The following VGLL1 variants were observed in gnomAD, a reference collection of about 807,000 sequenced individuals.
The protein encoded by VGLL1 is transcription cofactor vestigial-like protein 1.
Under a neutral mutation model 12.0 loss-of-function variants are expected in VGLL1, and 4 were observed. The ratio of observed to expected loss-of-function variants is 0.33; its 90% CI spans 0.16 to 0.76. The LOEUF is 0.76. Among genes scored for constraint, VGLL1 ranks in the 30% least tolerant of loss-of-function variants. The pLI, the probability that VGLL1 is intolerant of heterozygous loss-of-function variation, is 0.60. For synonymous variants in VGLL1, 87 were observed against 81.2 expected (o/e 1.07, Z -0.39); for missense variants, 204 against 208.7 (o/e 0.98, Z 0.14).
At chrX:136,552,321 TCAAAAGCCTTAG>T (rs1569362918) in intron 4 of VGLL1, among the ~76,000 whole-genome samples, 1 of 111,984 alleles carries the variant, frequency 8.9e-6, no homozygotes, top group Non-Finnish European at 1.9e-5. Context: ...TAGAGCTGGT[TCAAAAGCCTTAG>T]CATAGCCAAG....
chrX:136,532,993 A>G (rs1235455818), intron 1 of VGLL1, among the ~76,000 whole-genome samples: 1 of 110,227 alleles, frequency 9.1e-6, no homozygotes, highest in Non-Finnish European at 1.9e-5. Flanking sequence ...GGCGAGACAC[A>G]CCCCAGCAAT....
intron 2 of VGLL1, among the ~76,000 whole-genome samples, chrX:136,540,474 C>T (rs1297273463): frequency 9.0e-6 from 1 of 111,593 alleles, no homozygotes; most frequent in African/African-American, 3.3e-5. Flanking sequence ...TTCAAGTCTC[C>T]ACCTGGATGT....
chrX:136,535,241 A>T (rs1329050054), intron 1 of VGLL1, among the ~76,000 whole-genome samples: 1 of 112,351 alleles, frequency 8.9e-6, no homozygotes, highest in Non-Finnish European at 1.9e-5. Flanking sequence ...ACTCTATTCC[A>T]GGCACTGTTC....
At chrX:136,538,456 G>A (rs1239332915) in intron 2 of VGLL1, among the ~76,000 whole-genome samples, 2 of 112,557 alleles carry the variant, frequency 1.8e-5, no homozygotes, top group Admixed American at 9.4e-5. Flanking sequence ...TAATGGAGAA[G>A]TCACCCTCGC....
intron 4 of VGLL1, among the ~76,000 whole-genome samples, chrX:136,553,284 A>G (rs2148533830): frequency 9.6e-6 from 1 of 104,512 alleles, no homozygotes; most frequent in African/African-American, 3.5e-5. Flanking sequence ...CATGAGACTC[A>G]GTTGCCTCTT....
At chrX:136,547,183 A>G (rs1471872133) in intron 2 of VGLL1, among the ~76,000 whole-genome samples, 1 of 112,363 alleles carries the variant, frequency 8.9e-6, no homozygotes. Flanking sequence ...CTTTGTCTCC[A>G]CACCCACCCT....
At chrX:136,547,299 A>T (rs1273224475) in intron 2 of VGLL1, among the ~76,000 whole-genome samples, 1 of 112,114 alleles carries the variant, frequency 8.9e-6, no homozygotes, top group African/African-American at 3.2e-5. Flanking sequence ...GAATGGGGAA[A>T]ACATTCATCC....
intron 1 of VGLL1, among the ~76,000 whole-genome samples, chrX:136,532,657 CTTTCTTTT>C (rs1569359244): frequency 3.4e-4 from 22 of 64,469 alleles, no homozygotes; most frequent in Non-Finnish European, 5.1e-4. Flanking sequence ...TTCTTTCTTT[CTTTCTTTT>C]TCTTTCTTTC....
rs1169398740 is a variant in VGLL1 at position 136,556,516 on chromosome X, C to T, written c.754C>T (p.His252Tyr). The change falls in exon 5 of 5, where the codon CAT (histidine) becomes TAT (tyrosine). Residue 252 changes from histidine to tyrosine, a missense_variant. Transcript: ENST00000370634. ...ACCACCAAACCACTGGGGCCACCCA[C>T]ATCGATACCTGCAGCATCTTTAGTC... is the stretch of plus-strand genomic sequence containing the variant. The part of the protein sequence containing the change: ...LTPPNHWGHP[H>Y]RYLQHL The T allele has an allele frequency of 1.7e-6, 2 of 1,209,215 alleles. No homozygotes were observed. The highest frequency in any genetic ancestry group is 2.2e-6 in the Non-Finnish European group (2 of 894,528).
At chrX:136,541,439 C>G (rs2075855860) in intron 2 of VGLL1, among the ~76,000 whole-genome samples, 1 of 112,405 alleles carries the variant, frequency 8.9e-6, no homozygotes, top group Admixed American at 9.4e-5. Context: ...AAAACTGCCT[C>G]CCTCAAAGCC....
rs2075883384 is a variant in VGLL1 at position 136,550,762 on chromosome X, T to C, written c.635-6T>C. The C allele has an allele frequency of 1.7e-6, 2 of 1,204,306 alleles. No individual in the cohort carries two copies. The highest frequency in any genetic ancestry group is 2.2e-6 in the Non-Finnish European group (2 of 889,864). Reference sequence around the variant, plus strand: ...GTTCCAATAATGTTTTCTTCTTCTTTTCTAGATAAGAAACTATATGTATCT... The same window carrying C: ...GTTCCAATAATGTTTTCTTCTTCTTCTCTAGATAAGAAACTATATGTATCT... On this transcript the variant is annotated splice_polypyrimidine_tract_variant and splice_region_variant and intron_variant, in intron 3 of 4. Transcript: ENST00000370634.
chrX:136,542,365 C>T (rs943451949), intron 2 of VGLL1, among the ~76,000 whole-genome samples: 1 of 112,134 alleles, frequency 8.9e-6, no homozygotes, highest in Non-Finnish European at 1.9e-5. Context: ...ATACCAGACA[C>T]CACACTAAAA....
chrX:136,533,255 A>G (rs2075830964), intron 1 of VGLL1, among the ~76,000 whole-genome samples: 1 of 111,380 alleles, frequency 9.0e-6, no homozygotes, highest in Non-Finnish European at 1.9e-5. Flanking sequence ...GTTGGGGAGG[A>G]AAAGAAGGGC....
chrX:136,549,981 T>C (rs773189777), intron 3 of VGLL1, among the ~76,000 whole-genome samples: 1 of 112,250 alleles, frequency 8.9e-6, no homozygotes, highest in East Asian at 2.8e-4. Flanking sequence ...CTAGAAGCCA[T>C]CTTTACACTG....
Position 136,548,761 on chromosome X carries a change from G to T in VGLL1, c.387G>T (p.Glu129Asp). The change falls in exon 3 of 5, where the codon GAG becomes GAT. Residue 129 changes from glutamate (E) to aspartate (D), a missense_variant. Coordinates refer to ENST00000370634, the MANE Select transcript of VGLL1 (RefSeq NM_016267.4). ...LARRASVRPG[E>D]LWHFSSLAGT... ...GGAGGGCCTCTGTTCGGCCTGGGGA[G>T]CTGTGGCATTTCTCCTCCCTGGCGG... is the stretch of plus-strand genomic sequence containing the variant. The T allele has an allele frequency of 8.2e-7, 1 of 1,212,163 alleles. No homozygotes were observed. Among genetic ancestry groups the T allele is most frequent in the Non-Finnish European group, 1.1e-6 (1 of 895,640 alleles).
At chrX:136,554,112 G>A (rs2075894902) in intron 4 of VGLL1, among the ~76,000 whole-genome samples, 1 of 111,845 alleles carries the variant, frequency 8.9e-6, no homozygotes, top group Admixed American at 9.5e-5. Flanking sequence ...AGTTTCGTGG[G>A]GAAGACATGC....
chrX:136,540,455 C>G (rs894574431), intron 2 of VGLL1, among the ~76,000 whole-genome samples: 1 of 111,444 alleles, frequency 9.0e-6, no homozygotes, highest in African/African-American at 3.3e-5. Context: ...ATGGCGTCAC[C>G]TTTCTCCATT....
At chrX:136,539,344 G>C (rs959503124) in intron 2 of VGLL1, among the ~76,000 whole-genome samples, 2 of 111,134 alleles carry the variant, frequency 1.8e-5, no homozygotes, top group African/African-American at 6.6e-5. Flanking sequence ...TTCCTCTCAT[G>C]CTCTCTAAAC....
At chrX:136,533,667 G>A (rs953277369) in intron 1 of VGLL1, among the ~76,000 whole-genome samples, 33 of 112,074 alleles carry the variant, frequency 2.9e-4, no homozygotes, top group African/African-American at 1.0e-3. Flanking sequence ...GGAGCAGACA[G>A]AGTTGGGAGT....
Sources: allele counts gnomAD v4.1 joint callset (sites outside exome capture counted in the v4.1 genomes callset), GRCh38; gene constraint gnomAD v4.1.1; transcripts MANE v1.5; gene names NCBI Gene and HGNC (gene_info 2026-07-23, HGNC 2026-07-21).